The following ANKRD12 variants were observed in gnomAD, a reference collection of about 807,000 sequenced individuals.
The protein encoded by ANKRD12 is ankyrin repeat domain-containing protein 12.
In ANKRD12, 85 loss-of-function variants were observed where a neutral mutation model predicts 183.4. That is an observed-to-expected ratio of 0.46 (90% CI 0.39 to 0.56). The LOEUF (loss-of-function observed/expected upper bound fraction) is 0.56, where lower values mean the gene tolerates loss of function less well. Among genes scored for constraint, ANKRD12 ranks in the 20% least tolerant of loss-of-function variants. The probability of loss-of-function intolerance (pLI) is 0.00; values close to 1 mark genes in which losing one functional copy is unlikely to be tolerated. For synonymous variants in ANKRD12, 914 were observed against 800.2 expected (o/e 1.14, Z -2.40); for missense variants, 2,405 against 2,357.1 (o/e 1.02, Z -0.42).
chr18:9,258,407 G>A lies in ANKRD12; in HGVS notation c.5140G>A (p.Val1714Ile), dbSNP rs1233708105. 4 of 1,613,808 alleles carry A rather than the reference G, an allele frequency of 2.5e-6. No individual in the cohort carries two copies. Among genetic ancestry groups the A allele is most frequent in the Non-Finnish European group, 3.4e-6 (4 of 1,179,952 alleles). ...QPEMHKYGQL[V>I]KVELEENAED... The stretch of plus-strand genomic sequence containing the variant: ...AGAAATGCATAAATATGGTCAGTTA[G>A]TTAAAGTAGAATTAGAAGAAAATGC... Residue 1714 changes from valine (V) to isoleucine (I), a missense_variant, in exon 9 of 13, where the codon GTT becomes ATT. Around this residue, in one of 7 missense-constraint regions of ANKRD12, gnomAD observed 1,983 missense variants for 1,725.9 expected, o/e 1.15. Coordinates refer to ENST00000262126, the MANE Select transcript of ANKRD12 (RefSeq NM_015208.5).
At chr18:9,185,709 C>T (rs2034002549) in intron 2 of ANKRD12, among the ~76,000 whole-genome samples, 1 of 151,952 alleles carries the variant, frequency 6.6e-6, no homozygotes, top group African/African-American at 2.4e-5. Context: ...CTGAGGAATT[C>T]AAATATTTTA....
At chr18:9,157,572 T>G (rs1243398116) in intron 1 of ANKRD12, among the ~76,000 whole-genome samples, 1 of 116,728 alleles carries the variant, frequency 8.6e-6, no homozygotes, top group Non-Finnish European at 1.7e-5. Flanking sequence ...TGTGTGTGTG[T>G]GTGTGTGTGT....
intron 11 of ANKRD12, among the ~76,000 whole-genome samples, chr18:9,275,927 C>G (rs2039812585): frequency 2.0e-5 from 3 of 152,194 alleles, no homozygotes; most frequent in Admixed American, 2.0e-4. Context: ...TACAGGTACA[C>G]ATAATTTGTT....
intron 4 of ANKRD12, among the ~76,000 whole-genome samples, chr18:9,206,543 C>T (rs1016693935): frequency 4.6e-5 from 7 of 152,170 alleles, no homozygotes; most frequent in African/African-American, 1.7e-4. Flanking sequence ...TTGTCTCTAT[C>T]CTAGCTGCCT....
chr18:9,173,016 T>C (rs796576035), intron 1 of ANKRD12, among the ~76,000 whole-genome samples: 21 of 151,894 alleles, frequency 1.4e-4, no homozygotes, highest in African/African-American at 5.1e-4. Flanking sequence ...TTCAGTCTCC[T>C]AAAGTGCTGG....
chr18:9,248,539 T>C (rs1397921113), intron 8 of ANKRD12, among the ~76,000 whole-genome samples: 2 of 152,336 alleles, frequency 1.3e-5, no homozygotes, highest in East Asian at 3.9e-4. Context: ...AAAGATTCAT[T>C]TTACCTAATT....
At chr18:9,195,748 T>C in intron 3 of ANKRD12, 50 bp downstream of exon 3, 1 of 1,564,336 alleles carries the variant, frequency 6.4e-7, no homozygotes, top group South Asian at 1.2e-5. Flanking sequence ...TCTTTAATTC[T>C]GATTTTTGTT....
intron 8 of ANKRD12, among the ~76,000 whole-genome samples, chr18:9,244,724 A>T (rs1257892559): frequency 1.3e-5 from 2 of 152,236 alleles, no homozygotes; most frequent in African/African-American, 4.8e-5. Context: ...GCAGGCTAAA[A>T]TAATAGCATG....
At chr18:9,171,213 C>T (rs370026227) in intron 1 of ANKRD12, among the ~76,000 whole-genome samples, 29 of 152,250 alleles carry the variant, frequency 1.9e-4, no homozygotes, top group East Asian at 1.5e-3. Context: ...CTGGGAGAAC[C>T]ACTACTGTCT....
At position 9,258,168 on chromosome 18, in the gene ANKRD12, A is replaced by C. The variant is rs148441732; in HGVS notation, c.4901A>C (p.Glu1634Ala). ...TDTQVISHEK[E>A]NKLESLVLTH... The stretch of plus-strand genomic sequence containing the variant: ...ACTCAGGTCATTTCACATGAAAAAG[A>C]AAACAAACTGGAGAGTTTGGTTTTA... Residue 1634 changes from glutamate (E) to alanine (A), a missense_variant, in exon 9 of 13, where the codon GAA (glutamate) becomes GCA (alanine). By Grantham distance (107) the Glu-to-Ala change is moderately radical (BLOSUM62 -1). This residue lies in a region of ANKRD12 where 1,983 missense variants were observed against 1,725.9 expected (regional missense o/e 1.15). Coordinates refer to ENST00000262126, the MANE Select transcript of ANKRD12 (RefSeq NM_015208.5). 19 of 1,613,770 alleles carry C rather than the reference A, an allele frequency of 1.2e-5. No homozygotes were observed. The highest frequency in any genetic ancestry group is 1.6e-5 in the Non-Finnish European group (19 of 1,179,986).
Position 9,257,943 on chromosome 18 carries a change from C to T in ANKRD12, c.4676C>T (p.Ala1559Val), listed in dbSNP as rs1186869628. The T allele has an allele frequency of 1.9e-6, 3 of 1,613,792 alleles. No individual in the cohort carries two copies. Among genetic ancestry groups the T allele is most frequent in the Non-Finnish European group, 2.5e-6 (3 of 1,179,968 alleles). The change falls in exon 9 of 13, where the codon GCC becomes GTC. Residue 1559 changes from alanine to valine, a missense_variant. Ala to Val is a moderately conservative substitution (Grantham distance 64). Transcript: ENST00000262126. ...CTAGGAGATGTTCAAAAAACAGATG[C>T]CTTTGTCCCAGTGTACTCTGACAGC... ...FVLGDVQKTD[A>V]FVPVYSDSTI...
At chr18:9,268,646 C>G (rs1340961633) in intron 10 of ANKRD12, among the ~76,000 whole-genome samples, 1 of 152,134 alleles carries the variant, frequency 6.6e-6, no homozygotes, top group East Asian at 1.9e-4. Flanking sequence ...CTATGTATGA[C>G]ACACCCACAG....
chr18:9,158,328 G>A (rs568473589), intron 1 of ANKRD12, among the ~76,000 whole-genome samples: 1 of 152,218 alleles, frequency 6.6e-6, no homozygotes, highest in African/African-American at 2.4e-5. Context: ...TTTTTTGAAT[G>A]TCCTTTTTCT....
In ANKRD12 at chr18:9,254,550, G is replaced by A; in HGVS notation, c.1283G>A (p.Ser428Asn). 6.4e-7 allele frequency: 1 copy of A among 1,556,238 alleles called. No individual in the cohort carries two copies. Among genetic ancestry groups the A allele is most frequent in the Non-Finnish European group, 8.6e-7 (1 of 1,157,840 alleles). The change falls in exon 9 of 13, where the codon AGT becomes AAT. Residue 428 changes from serine to asparagine, a missense_variant. Around this residue, in one of 7 missense-constraint regions of ANKRD12, gnomAD observed 1,983 missense variants for 1,725.9 expected, o/e 1.15. Transcript: ENST00000262126. ...PSRVLYSSTESSDEEALQNKK... is the reference protein window; with the variant it reads ...PSRVLYSSTENSDEEALQNKK... ...AGGGTCTTATATTCAAGTACTGAAAGTTCTGATGAAGAAGCTCTTCAGAAT... is the reference window on the plus strand; with the variant it reads ...AGGGTCTTATATTCAAGTACTGAAAATTCTGATGAAGAAGCTCTTCAGAAT...
intron 12 of ANKRD12, 44 bp downstream of exon 12, chr18:9,279,688 C>T (rs775570872): frequency 8.7e-6 from 8 of 920,690 alleles, no homozygotes; most frequent in Admixed American, 7.9e-5. Flanking sequence ...CTTCCCCCTT[C>T]TTAAAAAAAA....
chr18:9,157,600 T>TATATATAC (rs71168038), intron 1 of ANKRD12, among the ~76,000 whole-genome samples: 1 of 125,394 alleles, frequency 8.0e-6, no homozygotes, highest in African/African-American at 2.7e-5. Flanking sequence ...TATATATATA[T>TATATATAC]GTATTTTTTT....
In ANKRD12 at chr18:9,157,577, G is replaced by GTATATATATATATA. The variant is rs1439951194; in HGVS notation, c.-52+20613_-52+20614insATATATATATATAT. Reference sequence around the variant, plus strand: ...TGTGTGTGTGTGTGTGTGTGTGTGTGTGTGTGTGTATATATATATATATGT... The same window carrying GTATATATATATATA: ...TGTGTGTGTGTGTGTGTGTGTGTGTGTATATATATATATATGTGTGTGTATATATATATATATGT... On this transcript the variant is annotated intron_variant, in intron 1 of 12. Coordinates refer to ENST00000262126, the MANE Select transcript of ANKRD12 (RefSeq NM_015208.5). Among the ~76,000 whole-genome samples the GTATATATATATATA allele has an allele frequency of 8.6e-4, 98 of 114,398 alleles. 2 individuals are homozygous for GTATATATATATATA. The highest frequency in any genetic ancestry group is 1.4e-3 in the Non-Finnish European group (79 of 57,942). 75.0% of individuals were successfully genotyped at this position (114,398 alleles called of 152,430 possible).
chr18:9,230,172 G>A (rs2036960992), intron 8 of ANKRD12, among the ~76,000 whole-genome samples: 1 of 152,084 alleles, frequency 6.6e-6, no homozygotes, highest in Non-Finnish European at 1.5e-5. Flanking sequence ...TACTGAATTG[G>A]TCTATTCAGA....
intron 10 of ANKRD12, among the ~76,000 whole-genome samples, chr18:9,275,270 G>A (rs1013537806): frequency 1.3e-5 from 2 of 151,654 alleles, no homozygotes; most frequent in Admixed American, 6.6e-5. Flanking sequence ...TTTGAAACCA[G>A]TTTGGGCAAC....
Sources: allele counts gnomAD v4.1 joint callset (sites outside exome capture counted in the v4.1 genomes callset), GRCh38; gene constraint gnomAD v4.1.1; regional missense constraint gnomAD v4.1.1; transcripts MANE v1.5; gene names NCBI Gene and HGNC (gene_info 2026-07-23, HGNC 2026-07-21).